The following SLC2A14 variants were observed in gnomAD, a reference collection of about 807,000 sequenced individuals.
SLC2A14 encodes solute carrier family 2, facilitated glucose transporter member 14.
SLC2A14 carries 13 observed loss-of-function variants against 43.0 expected under a neutral mutation model. The observed-to-expected ratio is 0.30, with a 90% CI of 0.20 to 0.48. The LOEUF (loss-of-function observed/expected upper bound fraction) is 0.48. SLC2A14 is among the 20% of genes least tolerant of loss of function. The pLI is 0.99. For synonymous variants in SLC2A14, 190 were observed against 233.8 expected (o/e 0.81, Z 1.71); for missense variants, 428 against 620.4 (o/e 0.69, Z 3.29).
intron 2 of SLC2A14, among the ~76,000 whole-genome samples, chr12:7,859,849 A>G (rs1285674886): frequency 1.3e-5 from 2 of 152,154 alleles, no homozygotes; most frequent in Non-Finnish European, 2.9e-5. Context: ...ACTTTCAGAG[A>G]AGTGAGATCC....
chr12:7,881,952 G>C (rs753829940), intron 1 of SLC2A14, among the ~76,000 whole-genome samples: 1 of 152,124 alleles, frequency 6.6e-6, no homozygotes, highest in South Asian at 2.1e-4. Context: ...GATTGTAAAC[G>C]CACCAATCAG....
Position 7,829,975 on chromosome 12 carries a change from C to G in SLC2A14, c.304G>C (p.Ala102Pro). The change falls in exon 5 of 11, where the codon GCT (alanine) becomes CCT (proline). Residue 102 changes from alanine to proline, a missense_variant. Ala to Pro is a conservative substitution (Grantham distance 27, BLOSUM62 -1). Transcript: ENST00000431042. ...CCCATAAGGCAGCCACCAGTGGCAG[C>G]CAACAGGTTGACAATCAGCATTGAA... ...RNSMLIVNLLAATGGCLMGLC... is the reference protein window; with the variant it reads ...RNSMLIVNLLPATGGCLMGLC... The G allele has an allele frequency of 6.2e-7, 1 of 1,614,166 alleles. No individual in the cohort carries two copies. The highest frequency in any genetic ancestry group is 8.5e-7 in the Non-Finnish European group (1 of 1,180,032).
intron 2 of SLC2A14, among the ~76,000 whole-genome samples, chr12:7,833,247 G>A (rs189871134): frequency 1.3e-5 from 2 of 152,240 alleles, no homozygotes; most frequent in East Asian, 3.9e-4. Flanking sequence ...CAGACTCCAC[G>A]GAAGCCCAGT....
At chr12:7,826,861 T>TCTTTTTTTTTTTTC (rs1555121667) in intron 7 of SLC2A14, among the ~76,000 whole-genome samples, 1 of 60,268 alleles carries the variant, frequency 1.7e-5, no homozygotes, top group Non-Finnish European at 3.2e-5. Context: ...TTCCTTTCTT[T>TCTTTTTTTTTTTTC]TTTCTTTCTT....
intron 2 of SLC2A14, chr12:7,863,312 C>G (rs1592287109): frequency 2.2e-6 from 1 of 449,680 alleles, no homozygotes; most frequent in East Asian, 7.2e-5. Context: ...CCGAACGCAT[C>G]TGAACATCAG....
At chr12:7,888,613 CAT>C (rs1945723946) in intron 1 of SLC2A14, among the ~76,000 whole-genome samples, 1 of 151,926 alleles carries the variant, frequency 6.6e-6, no homozygotes. Flanking sequence ...TCCTGGCCAA[CAT>C]GGTGAAACCC....
At chr12:7,880,854 A>C (rs1435241684) in intron 1 of SLC2A14, among the ~76,000 whole-genome samples, 1 of 151,718 alleles carries the variant, frequency 6.6e-6, no homozygotes, top group Non-Finnish European at 1.5e-5. Context: ...AAAATACAAA[A>C]ATTGGCCAGG....
intron 2 of SLC2A14, among the ~76,000 whole-genome samples, chr12:7,855,627 C>CTT (rs61214341): frequency 1.5e-4 from 23 of 151,030 alleles, no homozygotes; most frequent in East Asian, 3.9e-4. Context: ...ACAAATGCTC[C>CTT]TTTTTTTTTC....
rs372464881 is a variant in SLC2A14, at chr12:7,883,263, C to CTT, written c.132+7731_132+7732dup. Among the ~76,000 whole-genome samples the CTT allele has an allele frequency of 1.4e-3, 149 of 108,404 alleles. 1 individual carries two copies. The highest frequency in any genetic ancestry group is 2.9e-3 in the African/African-American group (84 of 28,524). 71.1% of individuals were successfully genotyped at this position (108,404 alleles called of 152,430 possible). A position where few individuals can be genotyped will look rare whatever the true frequency, so the allele number is the denominator to read the frequency against. ...ACAAATGCTTTCTTTTTCTTTCTTT[C>CTT]TTTTTTTTTTTTTTTTTTTTTTGAG... On this transcript the variant is annotated intron_variant, in intron 1 of 9. Transcript: ENST00000539924.
chr12:7,857,277 T>C (rs747012170), intron 2 of SLC2A14, among the ~76,000 whole-genome samples: 7 of 144,270 alleles, frequency 4.9e-5, no homozygotes, highest in Non-Finnish European at 9.1e-5. Context: ...ACAAAAAACA[T>C]AAACAAAAAC....
rs1425012380 is a variant in SLC2A14, at chr12:7,824,739, A to AG, written c.864+2755_864+2756insC. On this transcript the variant is annotated intron_variant, in intron 7 of 10. Coordinates refer to ENST00000431042, the MANE Select transcript of SLC2A14 (RefSeq NM_001286234.2). ...CAGAGACTCTGTCTCAAAAAAAAAA[A>AG]AAAAAAAGAATACATTGTTTGCACA... is the stretch of plus-strand genomic sequence containing the variant. Among the ~76,000 whole-genome samples the AG allele has an allele frequency of 2.0e-5, 3 of 151,582 alleles. No homozygotes were observed. The Admixed American group carries it at 2.0e-4, about 10-fold the overall frequency.
chr12:7,820,816 C>A (rs1375585596), intron 8 of SLC2A14, among the ~76,000 whole-genome samples: 1 of 152,044 alleles, frequency 6.6e-6, no homozygotes, highest in Non-Finnish European at 1.5e-5. Context: ...TCCGGGCACG[C>A]TGGCTCACAC....
intron 7 of SLC2A14, among the ~76,000 whole-genome samples, chr12:7,826,909 C>CTTTCTT (rs149170408): frequency 0.053 from 4,270 of 80,848 alleles, 506 homozygotes; most frequent in East Asian, 0.13. Context: ...TTCTTTCTTT[C>CTTTCTT]TTTCTTTTTC....
intron 2 of SLC2A14, among the ~76,000 whole-genome samples, chr12:7,843,240 G>A (rs1229593575): frequency 2.7e-5 from 4 of 150,650 alleles, no homozygotes; most frequent in African/African-American, 7.4e-5. Flanking sequence ...TGAATGAAGC[G>A]CATTAGACTG....
upstream of SLC2A14, among the ~76,000 whole-genome samples, chr12:7,874,412 G>T (rs1370380814): frequency 2.6e-5 from 4 of 151,994 alleles, no homozygotes; most frequent in South Asian, 4.1e-4. Context: ...AGTGGCTCAT[G>T]CCTGTAATCC....
intron 10 of SLC2A14, among the ~76,000 whole-genome samples, chr12:7,814,902 C>A (rs958011376): frequency 8.6e-5 from 13 of 151,890 alleles, no homozygotes; most frequent in Non-Finnish European, 1.9e-4. Flanking sequence ...TGGGTTCAAG[C>A]GATTCTCCTG....
intron 1 of SLC2A14, 78 bp downstream of exon 1, chr12:7,872,729 C>G (rs1945305477): frequency 1.0e-6 from 1 of 974,174 alleles, no homozygotes; most frequent in Non-Finnish European, 1.2e-6. Flanking sequence ...CACCTCTACT[C>G]TAGCTCGGCC....
chr12:7,858,903 T>G (rs1324774843), intron 2 of SLC2A14, among the ~76,000 whole-genome samples: 1 of 152,210 alleles, frequency 6.6e-6, no homozygotes, highest in Non-Finnish European at 1.5e-5. Flanking sequence ...ATCACAAACA[T>G]TAACATTTAT....
rs370351754 is a variant in SLC2A14, at chr12:7,817,791, GATAGATAC to G, written c.1275+32_1275+39del. ...AGATAGATAGATAGACAGATACATA[GATAGATAC>G]ATAGATACATAGATAAGGTGAGTTT... is the stretch of plus-strand genomic sequence containing the variant. On this transcript the variant is annotated intron_variant, in intron 10 of 10. Transcript: ENST00000431042. The G allele has an allele frequency of 6.3e-4, 967 of 1,541,616 alleles. 10 individuals carry two copies. In the African/African-American group the frequency reaches 0.012, roughly 19 times the overall value.
Sources: gnomAD v4.1 joint callset for allele counts (sites outside exome capture counted in the v4.1 genomes callset) on GRCh38, gnomAD v4.1.1 for gene constraint, MANE v1.5 for transcripts, NCBI Gene and HGNC (gene_info 2026-07-23, HGNC 2026-07-21) for gene names.